RERE: variants seen among roughly 807,000 people sequenced by gnomAD.
RERE encodes arginine-glutamic acid dipeptide repeats, also known as arginine-glutamic acid dipeptide repeats protein.
In RERE, 40 loss-of-function variants were observed where a neutral mutation model predicts 146.1. That is an observed-to-expected ratio of 0.27 (90% CI 0.21 to 0.36). The LOEUF (loss-of-function observed/expected upper bound fraction) is 0.36, where lower values mean the gene tolerates loss of function less well. RERE is among the 10% of genes least tolerant of loss of function. The probability of loss-of-function intolerance (pLI) is 1.00; values close to 1 mark genes in which losing one functional copy is unlikely to be tolerated. For missense variants in RERE, 1,933 were observed against 2,138.7 expected (o/e 0.90, Z 1.90); for synonymous variants, 1,003 against 866.0 (o/e 1.16, Z -2.78).
chr1:8,549,266 G>A (rs1226503370), intron 6 of RERE, among the ~76,000 whole-genome samples: 2 of 152,126 alleles, frequency 1.3e-5, no homozygotes, highest in Non-Finnish European at 2.9e-5. Flanking sequence ...ACGAGCCTGA[G>A]AACATCTTGT....
chr1:8,706,912 C>T (rs183088692), intron 1 of RERE, among the ~76,000 whole-genome samples: 3 of 152,070 alleles, frequency 2.0e-5, no homozygotes, highest in Admixed American at 6.5e-5. Context: ...TGCACATGAC[C>T]ACATGAAAAA....
chr1:8,509,588 G>A (rs549160884), intron 7 of RERE, among the ~76,000 whole-genome samples: 17 of 152,228 alleles, frequency 1.1e-4, no homozygotes, highest in African/African-American at 2.2e-4. Flanking sequence ...CGGGAGGATC[G>A]CTTGAGCCCA....
intron 8 of RERE, among the ~76,000 whole-genome samples, chr1:8,505,543 A>AT (rs904578852): frequency 6.2e-4 from 93 of 149,030 alleles, no homozygotes; most frequent in African/African-American, 1.2e-3. Context: ...AAAAAGGTTA[A>AT]TTTTTTTTTT....
intron 10 of RERE, among the ~76,000 whole-genome samples, chr1:8,479,664 G>C (rs1397619623): frequency 1.3e-5 from 2 of 152,238 alleles, no homozygotes; most frequent in South Asian, 2.1e-4. Context: ...ACAGCCACCA[G>C]TAGCTACAAG....
intron 11 of RERE, among the ~76,000 whole-genome samples, chr1:8,442,726 T>C (rs907006038): frequency 2.0e-5 from 3 of 152,156 alleles, no homozygotes; most frequent in African/African-American, 4.8e-5. Context: ...GGACAGATGT[T>C]AGAAGAGTTT....
chr1:8,589,778 T>C (rs1646469968), intron 4 of RERE, among the ~76,000 whole-genome samples: 1 of 152,342 alleles, frequency 6.6e-6, no homozygotes, highest in East Asian at 1.9e-4. Flanking sequence ...GAGCCCAAGC[T>C]GAGGGCTTAG....
At chr1:8,453,408 A>T (rs1644411829) in intron 11 of RERE, among the ~76,000 whole-genome samples, 1 of 152,160 alleles carries the variant, frequency 6.6e-6, no homozygotes, top group Non-Finnish European at 1.5e-5. Context: ...ATCACCACAG[A>T]TCAAAGCTCC....
intron 1 of RERE, among the ~76,000 whole-genome samples, chr1:8,735,376 T>G (rs1266717864): frequency 6.6e-6 from 1 of 152,226 alleles, no homozygotes; most frequent in Non-Finnish European, 1.5e-5. Context: ...GCTTCTTGCT[T>G]ATACTTTCTG....
intron 1 of RERE, among the ~76,000 whole-genome samples, chr1:8,723,345 A>C (rs1639899175): frequency 6.6e-6 from 1 of 152,232 alleles, no homozygotes; most frequent in African/African-American, 2.4e-5. Context: ...AAAGTATAGA[A>C]ATGCAATTTT....
At chr1:8,814,978 A>AT (rs1641883482) in intron 1 of RERE, among the ~76,000 whole-genome samples, 1 of 152,204 alleles carries the variant, frequency 6.6e-6, no homozygotes, top group African/African-American at 2.4e-5. Context: ...GCATTTGCAG[A>AT]AAGGCACAAC....
intron 12 of RERE, among the ~76,000 whole-genome samples, chr1:8,372,823 C>T (rs182653960): frequency 5.9e-5 from 9 of 152,326 alleles, no homozygotes; most frequent in Admixed American, 5.2e-4. Context: ...CAGGCTCTGG[C>T]CTTGTGCCAC....
At chr1:8,725,258 T>C (rs889409416) in intron 1 of RERE, among the ~76,000 whole-genome samples, 1 of 152,180 alleles carries the variant, frequency 6.6e-6, no homozygotes, top group Non-Finnish European at 1.5e-5. Flanking sequence ...GAAAAATAGT[T>C]GTAACTACGT....
intron 10 of RERE, among the ~76,000 whole-genome samples, chr1:8,466,898 T>C (rs969573539): frequency 6.6e-6 from 1 of 152,220 alleles, no homozygotes. Flanking sequence ...TTGCAGATAA[T>C]GTAGAGAAAC....
At position 8,358,633 on chromosome 1, in the gene RERE, T is replaced by C; in HGVS notation, c.3902A>G (p.Glu1301Gly). Residue 1301 changes from glutamate to glycine, a missense_variant, in exon 20 of 23, where the codon GAG (glutamate) becomes GGG (glycine). Coordinates refer to ENST00000400908, the MANE Select transcript of RERE (RefSeq NM_001042681.2). ...GLYNVDPTIR[E>G]RELREREIRE... ...GATCTCCCGCTCCCGGAGCTCCCGC[T>C]CGCGGATGGTGGGGTCGACGTTGTA... The C allele has an allele frequency of 6.3e-7, 1 of 1,587,124 alleles. No individual in the cohort carries two copies. Among genetic ancestry groups the C allele is most frequent in the Non-Finnish European group, 8.6e-7 (1 of 1,167,190 alleles).
intron 11 of RERE, among the ~76,000 whole-genome samples, chr1:8,463,419 G>A (rs1405554739): frequency 1.3e-5 from 2 of 152,086 alleles, no homozygotes; most frequent in Non-Finnish European, 2.9e-5. Flanking sequence ...GTCCTGTTTT[G>A]TTTTTCAAAA....
intron 4 of RERE, among the ~76,000 whole-genome samples, chr1:8,569,174 C>G (rs1018697989): frequency 2.0e-5 from 3 of 150,098 alleles, no homozygotes; most frequent in African/African-American, 7.4e-5. Flanking sequence ...AATAGCTATT[C>G]GTAGAGAGTG....
intron 1 of RERE, among the ~76,000 whole-genome samples, chr1:8,760,421 C>T (rs1280274219): frequency 3.3e-5 from 5 of 152,144 alleles, no homozygotes; most frequent in South Asian, 2.1e-4. Flanking sequence ...TGCCAAAAAT[C>T]GGAGATGAAT....
chr1:8,551,320 TC>T (rs1412855561), intron 6 of RERE, among the ~76,000 whole-genome samples: 1 of 152,076 alleles, frequency 6.6e-6, no homozygotes, highest in Non-Finnish European at 1.5e-5. Flanking sequence ...CACAAAGCAA[TC>T]ACTCCAGATC....
At chr1:8,382,475 C>T (rs1200070156) in intron 12 of RERE, among the ~76,000 whole-genome samples, 1 of 152,270 alleles carries the variant, frequency 6.6e-6, no homozygotes, top group Non-Finnish European at 1.5e-5. Context: ...AGCGCGCATG[C>T]TGGGGAAGAA....
Sources: gnomAD v4.1 joint callset for allele counts (sites outside exome capture counted in the v4.1 genomes callset) on GRCh38, gnomAD v4.1.1 for gene constraint, MANE v1.5 for transcripts, NCBI Gene and HGNC (gene_info 2026-07-23, HGNC 2026-07-21) for gene names.